GLIS3: variants seen among roughly 807,000 people sequenced by gnomAD.
GLIS3 encodes the protein GLIS family zinc finger 3, also known as zinc finger protein GLIS3.
GLIS3 carries 53 observed loss-of-function variants against 78.6 expected under a neutral mutation model. That is an observed-to-expected ratio of 0.67 (90% CI 0.54 to 0.85). The LOEUF (loss-of-function observed/expected upper bound fraction) is 0.85, where lower values mean the gene tolerates loss of function less well. Ranked by LOEUF, GLIS3 falls within the 40% of genes least tolerant of loss-of-function variation. GLIS3 has a pLI of 0.00. For missense variants in GLIS3, 1,703 were observed against 1,231.1 expected, an observed-to-expected ratio of 1.38 and a Z score of -5.74; for synonymous variants, 684 against 509.9, an observed-to-expected ratio of 1.34 and a Z score of -4.60.
chr9:4,265,951 C>T, intron 2 of GLIS3, among the ~76,000 whole-genome samples: 1 of 150,086 alleles, frequency 6.7e-6, no homozygotes, highest in Middle Eastern at 3.5e-3. Context: ...CGGAGTCTCA[C>T]TCTATCGCCC....
At chr9:4,194,994 G>A (rs948112676) in intron 2 of GLIS3, among the ~76,000 whole-genome samples, 5 of 152,252 alleles carry the variant, frequency 3.3e-5, no homozygotes, top group African/African-American at 1.2e-4. Flanking sequence ...TCTCAGCCCA[G>A]AGATTGCAGT....
rs577306589 is a variant in GLIS3 at position 4,286,459 on chromosome 9, C to G, written c.-34G>C. 6.2e-7 allele frequency: 1 copy of G among 1,611,836 alleles called. No individual in the cohort carries two copies. Among genetic ancestry groups the G allele is most frequent in the East Asian group, 2.2e-5 (1 of 44,880 alleles). On this transcript the variant is annotated 5_prime_UTR_variant, in exon 2 of 11. Transcript: ENST00000381971. ...ACCTGTGGCCAAGACGGTCAAATATCCAATGTCACTAATGACTCCTTTCAG... is the reference window on the plus strand; with the variant it reads ...ACCTGTGGCCAAGACGGTCAAATATGCAATGTCACTAATGACTCCTTTCAG...
At chr9:4,349,770 C>T (rs934373714), upstream of GLIS3, among the ~76,000 whole-genome samples, 3 of 152,032 alleles carry the variant, frequency 2.0e-5, no homozygotes, top group African/African-American at 4.8e-5. Context: ...GAAAAATATC[C>T]GGGTACCAGA....
rs368683907 is a variant in GLIS3 at position 4,122,176 on chromosome 9, G to T, written c.597-3295C>A. ...AACTTGTATGGGGCCATAAGAGCAT[G>T]AGAGGCATGATGACCATGTTAGATG... On this transcript the variant is annotated intron_variant, in intron 3 of 10. Coordinates refer to ENST00000381971, the MANE Select transcript of GLIS3 (RefSeq NM_001042413.2). Among the ~76,000 whole-genome samples, 6 of 152,220 alleles carry T rather than the reference G, an allele frequency of 3.9e-5. No homozygotes were observed. In the East Asian group the frequency reaches 9.6e-4, roughly 24 times the overall value.
At chr9:4,403,834 G>T in the GLIS3 span, among the ~76,000 whole-genome samples, 1 of 151,830 alleles carries the variant, frequency 6.6e-6, no homozygotes, top group Non-Finnish European at 1.5e-5. Flanking sequence ...AAAACAACGA[G>T]AAAACAAAGA....
At chr9:4,071,979 C>T (rs775611761) in intron 4 of GLIS3, 7 of 152,192 alleles carry the variant, frequency 4.6e-5, no homozygotes, top group Non-Finnish European at 7.3e-5. Context: ...TTGTAGAACT[C>T]GCTTTGGCCA....
chr9:4,414,120 C>T, the GLIS3 span, among the ~76,000 whole-genome samples: 1 of 152,086 alleles, frequency 6.6e-6, no homozygotes, highest in East Asian at 1.9e-4. Context: ...AGATGATCCC[C>T]AGCCACAGAG....
rs1265317427 is a variant in GLIS3 at position 3,991,683 on chromosome 9, A to AATTTTTTTTTTTTTTT, written c.1711-54495_1711-54494insAAAAAAAAAAAAAAAT. On this transcript the variant is annotated intron_variant, in intron 4 of 10. Transcript: ENST00000381971. ...GTTCAGAATTTCATTAAGTAGGCTG[A>AATTTTTTTTTTTTTTT]TTTTTTTTTTTTTTTTTTTTTTTTT... Among the ~76,000 whole-genome samples, 38 of 87,900 alleles carry AATTTTTTTTTTTTTTT rather than the reference A, an allele frequency of 4.3e-4. 8 individuals carry two copies. The highest frequency in any genetic ancestry group is 1.8e-3 in the African/African-American group (35 of 18,976). 57.7% of individuals were successfully genotyped at this position (87,900 alleles called of 152,430 possible). A position where few individuals can be genotyped will look rare whatever the true frequency, so the allele number is the denominator to read the frequency against.
chr9:4,307,477 C>G (rs914255151), intron 4 of GLIS3, among the ~76,000 whole-genome samples: 1 of 152,162 alleles, frequency 6.6e-6, no homozygotes, highest in South Asian at 2.1e-4. Context: ...TTACTATCCA[C>G]CTCCTCTTAC....
At chr9:4,293,790 C>T (rs912466387) in intron 1 of GLIS3, among the ~76,000 whole-genome samples, 2 of 152,186 alleles carry the variant, frequency 1.3e-5, no homozygotes, top group African/African-American at 2.4e-5. Flanking sequence ...TGCATTGTGA[C>T]GCTATCTGCC....
At chr9:3,830,908 A>G (rs1188813883) in intron 9 of GLIS3, among the ~76,000 whole-genome samples, 1 of 152,162 alleles carries the variant, frequency 6.6e-6, no homozygotes, top group East Asian at 1.9e-4. Flanking sequence ...AGGACCCACA[A>G]TGTAGCCTGT....
Position 4,204,720 on chromosome 9 carries a change from C to G in GLIS3, c.389-78779G>C, listed in dbSNP as rs12351490. Among the ~76,000 whole-genome samples the G allele has an allele frequency of 5.0e-3, 763 of 152,126 alleles. 9 individuals are homozygous for G. The highest frequency in any genetic ancestry group is 0.018 in the African/African-American group (731 of 41,468). Reference sequence around the variant, plus strand: ...ACTGCCTGAGCTCAGGAGTTTGAGACCAGCCTGGGCAACTCAAACCGTGTC... The same window carrying G: ...ACTGCCTGAGCTCAGGAGTTTGAGAGCAGCCTGGGCAACTCAAACCGTGTC... On this transcript the variant is annotated intron_variant, in intron 2 of 10. Coordinates refer to ENST00000381971, the MANE Select transcript of GLIS3 (RefSeq NM_001042413.2).
intron 4 of GLIS3, among the ~76,000 whole-genome samples, chr9:3,979,560 G>C (rs1244726129): frequency 6.6e-6 from 1 of 152,118 alleles, no homozygotes; most frequent in Admixed American, 6.5e-5. Context: ...TTTCTTAATT[G>C]TTCTGAGTAC....
At chr9:4,023,593 C>G (rs1015366958) in intron 4 of GLIS3, among the ~76,000 whole-genome samples, 1 of 152,158 alleles carries the variant, frequency 6.6e-6, no homozygotes, top group Admixed American at 6.6e-5. Flanking sequence ...GCCCACAGAG[C>G]GAGCATTGCT....
At chr9:3,998,088 T>C (rs1309038537) in intron 4 of GLIS3, among the ~76,000 whole-genome samples, 1 of 152,156 alleles carries the variant, frequency 6.6e-6, no homozygotes, top group Non-Finnish European at 1.5e-5. Context: ...GGAAATCCCT[T>C]TAGGCCAGCT....
intron 2 of GLIS3, among the ~76,000 whole-genome samples, chr9:4,265,897 GTTTT>G (rs148160187): frequency 5.3e-4 from 64 of 120,774 alleles, no homozygotes; most frequent in South Asian, 2.2e-3. Context: ...ACTCACCCTG[GTTTT>G]TTTTTTGTTT....
chr9:4,428,835 A>G, the GLIS3 span, among the ~76,000 whole-genome samples: 2 of 152,154 alleles, frequency 1.3e-5, no homozygotes, highest in Admixed American at 6.6e-5. Context: ...CTGCCTACCA[A>G]GCCTGTTCAT....
chr9:4,007,585 AG>A (rs1384970121), intron 4 of GLIS3, among the ~76,000 whole-genome samples: 3 of 152,254 alleles, frequency 2.0e-5, no homozygotes, highest in Non-Finnish European at 2.9e-5. Flanking sequence ...TTAAGAAAAA[AG>A]CCTAAAGACA....
intron 8 of GLIS3, among the ~76,000 whole-genome samples, chr9:3,873,384 T>C (rs1372823663): frequency 6.6e-6 from 1 of 152,100 alleles, no homozygotes; most frequent in Non-Finnish European, 1.5e-5. Context: ...ACAAGTGCGA[T>C]TTATACGAGG....
Sources: gnomAD v4.1 joint callset for allele counts (sites outside exome capture counted in the v4.1 genomes callset) on GRCh38, gnomAD v4.1.1 for gene constraint, MANE v1.5 for transcripts, NCBI Gene and HGNC (gene_info 2026-07-23, HGNC 2026-07-21) for gene names.